The following USP47 variants were observed in gnomAD, a reference collection of about 807,000 sequenced individuals.
USP47 encodes the protein ubiquitin carboxyl-terminal hydrolase 47.
Under a neutral mutation model 165.1 loss-of-function variants are expected in USP47, and 35 were observed. The ratio of observed to expected loss-of-function variants is 0.21; its 90% confidence interval spans 0.16 to 0.28. The LOEUF (loss-of-function observed/expected upper bound fraction) is 0.28, where lower values mean the gene tolerates loss of function less well. Ranked by LOEUF, USP47 falls within the 10% of genes least tolerant of loss-of-function variation. The probability of loss-of-function intolerance (pLI) is 1.00; values close to 1 mark genes in which losing one functional copy is unlikely to be tolerated. For missense variants in USP47, 1,277 were observed against 1,607.4 expected (o/e 0.79, Z 3.52); for synonymous variants, 531 against 544.5 (o/e 0.98, Z 0.35).
intron 10 of USP47, among the ~76,000 whole-genome samples, chr11:11,921,269 A>G (rs1590381645): frequency 6.6e-6 from 1 of 151,720 alleles, no homozygotes. Context: ...TTTTACTGGA[A>G]CTGATTACTA....
At chr11:11,884,384 A>G in intron 2 of USP47, 83 bp from the exon 3 acceptor site, 1 of 979,352 alleles carries the variant, frequency 1.0e-6, no homozygotes, top group Non-Finnish European at 1.5e-6. Context: ...AAAAAATACT[A>G]TTTAAATGTA....
chr11:11,847,558 GT>G (rs1848497203), intron 1 of USP47, among the ~76,000 whole-genome samples: 1 of 152,080 alleles, frequency 6.6e-6, no homozygotes, highest in Admixed American at 6.5e-5. Flanking sequence ...GTTTCAGTTA[GT>G]GTTATCGCCA....
At chr11:11,935,716 T>G (rs2134724584) in intron 16 of USP47, among the ~76,000 whole-genome samples, 1 of 152,088 alleles carries the variant, frequency 6.6e-6, no homozygotes, top group South Asian at 2.1e-4. Flanking sequence ...GGGTATGTCA[T>G]CTATTGGTGA....
rs903601915 is a variant in USP47, at chr11:11,876,395, T to C, written c.40-3782T>C. ...TACCAACAGCACCATCATCATACTT[T>C]CCCCACTTGAACTTGGATGTGCTCG... is the stretch of plus-strand genomic sequence containing the variant. On this transcript the variant is annotated intron_variant, in intron 1 of 27. Coordinates refer to ENST00000527733, the MANE Select transcript of USP47 (RefSeq NM_001282659.2). 2.6e-5 allele frequency among the ~76,000 whole-genome samples: 4 copies of C among 152,186 alleles called. 1 individual carries two copies. The highest frequency in any genetic ancestry group is 5.9e-5 in the Non-Finnish European group (4 of 68,030).
chr11:11,898,541 A>G (rs1188137511), intron 5 of USP47, among the ~76,000 whole-genome samples: 1 of 152,182 alleles, frequency 6.6e-6, no homozygotes, highest in African/African-American at 2.4e-5. Context: ...GTCATTCTGT[A>G]TGCATGTATT....
At chr11:11,906,880 G>A (rs879852705) in intron 8 of USP47, among the ~76,000 whole-genome samples, 27 of 151,782 alleles carry the variant, frequency 1.8e-4, no homozygotes, top group Non-Finnish European at 3.2e-4. Flanking sequence ...TTAAATACTC[G>A]CATTTCTCTG....
At chr11:11,895,979 AT>A (rs1851820062) in intron 4 of USP47, among the ~76,000 whole-genome samples, 1 of 152,198 alleles carries the variant, frequency 6.6e-6, no homozygotes, top group African/African-American at 2.4e-5. Context: ...AATAGCTGCC[AT>A]TTGAAGTTTG....
chr11:11,923,036 TTGTACATATATATA>T, intron 11 of USP47, 145 bp downstream of exon 11: 1 of 233,524 alleles, frequency 4.3e-6, no homozygotes, highest in Non-Finnish European at 7.7e-6. Context: ...TATAGTTTTT[TTGTACATATATATA>T]TATATATATA....
At chr11:11,934,932 A>G (rs1298154922) in intron 16 of USP47, among the ~76,000 whole-genome samples, 3 of 152,154 alleles carry the variant, frequency 2.0e-5, no homozygotes, top group Admixed American at 6.6e-5. Context: ...TGTGGAACCA[A>G]TAACATAACT....
In USP47 at chr11:11,961,884, C is replaced by T. The variant is rs1343988905; in HGVS notation, c.*5709C>T. 2.0e-5 allele frequency among the ~76,000 whole-genome samples: 3 copies of T among 152,186 alleles called. No individual in the cohort carries two copies. The highest frequency in any genetic ancestry group is 7.2e-5 in the African/African-American group (3 of 41,430). Reference sequence around the variant, plus strand: ...TTCAAGCACCACCTCCACCCAGCCCCTCCCACATTTCACTCAGGACTGAGT... The same window carrying T: ...TTCAAGCACCACCTCCACCCAGCCCTTCCCACATTTCACTCAGGACTGAGT... On this transcript the variant is annotated 3_prime_UTR_variant, in exon 28 of 28. Transcript: ENST00000527733.
chr11:11,934,870 G>C (rs1315495782), intron 16 of USP47, among the ~76,000 whole-genome samples: 1 of 151,996 alleles, frequency 6.6e-6, no homozygotes, highest in East Asian at 1.9e-4. Context: ...AAATTAAACA[G>C]TCATTACCTA....
At chr11:11,855,172 C>T (rs1848966312) in intron 1 of USP47, among the ~76,000 whole-genome samples, 1 of 151,638 alleles carries the variant, frequency 6.6e-6, no homozygotes, top group Admixed American at 6.6e-5. Context: ...ATTTTGAGTT[C>T]AGCTAATGAG....
intron 1 of USP47, 125 bp from the exon 2 acceptor site, chr11:11,880,052 G>A (rs1482813040): frequency 3.0e-5 from 19 of 630,660 alleles, no homozygotes; most frequent in Non-Finnish European, 3.4e-5. Flanking sequence ...AGAGAAAATA[G>A]CACAGAGAAA....
At chr11:11,895,671 G>A (rs1851801448) in intron 4 of USP47, among the ~76,000 whole-genome samples, 1 of 152,146 alleles carries the variant, frequency 6.6e-6, no homozygotes, top group Admixed American at 6.5e-5. Flanking sequence ...GGGTTGGGGA[G>A]AAATAAGGAG....
At chr11:11,890,481 A>G (rs919899890) in intron 3 of USP47, among the ~76,000 whole-genome samples, 1 of 152,210 alleles carries the variant, frequency 6.6e-6, no homozygotes, top group Non-Finnish European at 1.5e-5. Context: ...GCAAATCAAA[A>G]CCGCAATGAG....
At chr11:11,842,697 A>G (rs1848200225) in intron 1 of USP47, among the ~76,000 whole-genome samples, 1 of 151,340 alleles carries the variant, frequency 6.6e-6, no homozygotes, top group Admixed American at 6.5e-5. Flanking sequence ...CTTAACTGTT[A>G]CGACTTTTTT....
At chr11:11,913,974 A>G (rs2134541127) in intron 8 of USP47, among the ~76,000 whole-genome samples, 1 of 152,258 alleles carries the variant, frequency 6.6e-6, no homozygotes. Context: ...AGATAATTAC[A>G]TAGTCTTAAT....
Position 11,906,332 on chromosome 11 carries a change from A to G in USP47, c.969+784A>G, listed in dbSNP as rs150314350. 5.3e-5 allele frequency among the ~76,000 whole-genome samples: 8 copies of G among 152,268 alleles called. No individual in the cohort carries two copies. In the East Asian group the frequency reaches 1.5e-3, roughly 29 times the overall value. Reference sequence around the variant, plus strand: ...AAGCTAAATAAGATATCTTTAAACAATAGAATTTCATTATGTTTTATGTTT... The same window carrying G: ...AAGCTAAATAAGATATCTTTAAACAGTAGAATTTCATTATGTTTTATGTTT... On this transcript the variant is annotated intron_variant, in intron 8 of 27. Coordinates refer to ENST00000527733, the MANE Select transcript of USP47 (RefSeq NM_001282659.2).
intron 1 of USP47, among the ~76,000 whole-genome samples, chr11:11,847,073 T>C (rs961330734): frequency 2.6e-5 from 4 of 152,136 alleles, no homozygotes; most frequent in African/African-American, 7.2e-5. Flanking sequence ...GATTCTAATT[T>C]TGTCCAGGAA....
Sources: gnomAD v4.1 joint callset for allele counts (sites outside exome capture counted in the v4.1 genomes callset) on GRCh38, gnomAD v4.1.1 for gene constraint, MANE v1.5 for transcripts, NCBI Gene and HGNC (gene_info 2026-07-23, HGNC 2026-07-21) for gene names.